The following CREB5 variants were observed in gnomAD, a reference collection of about 807,000 sequenced individuals.
CREB5 encodes cyclic AMP-responsive element-binding protein 5.
A neutral mutation model predicts 57.1 loss-of-function variants in CREB5; 19 were observed. The ratio of observed to expected loss-of-function variants is 0.33; its 90% CI spans 0.23 to 0.49. The LOEUF is 0.49. Among genes scored for constraint, CREB5 ranks in the 20% least tolerant of loss-of-function variants. The pLI is 0.99. For missense variants in CREB5, 579 were observed against 671.6 expected (o/e 0.86, Z 1.52); for synonymous variants, 238 against 238.3 (o/e 1.00, Z 0.01).
chr7:28,593,036 G>A lies in CREB5; in HGVS notation c.464+22499G>A, dbSNP rs906963346. Among the ~76,000 whole-genome samples, 3 of 152,128 alleles carry A rather than the reference G, an allele frequency of 2.0e-5. 1 individual carries two copies. The highest frequency in any genetic ancestry group is 2.4e-5 in the African/African-American group (1 of 41,416). ...CAACCACAGCATATCGCTCTAGCAGGTCAAACCACTCAAAGATAAATCCAG... is the reference window on the plus strand; with the variant it reads ...CAACCACAGCATATCGCTCTAGCAGATCAAACCACTCAAAGATAAATCCAG... On this transcript the variant is annotated intron_variant, in intron 5 of 10. Coordinates refer to ENST00000357727, the MANE Select transcript of CREB5 (RefSeq NM_182898.4).
intron 5 of CREB5, among the ~76,000 whole-genome samples, chr7:28,702,430 A>G (rs2128738056): frequency 6.6e-6 from 1 of 152,362 alleles, no homozygotes; most frequent in African/African-American, 2.4e-5. Context: ...CAGGCTTCAG[A>G]AAAGCAGAAA....
chr7:28,467,470 T>C (rs1428906708), intron 1 of CREB5, among the ~76,000 whole-genome samples: 1 of 152,182 alleles, frequency 6.6e-6, no homozygotes, highest in Non-Finnish European at 1.5e-5. Flanking sequence ...ATAAGTCCTG[T>C]CTACTGTTTG....
chr7:28,613,827 T>G (rs1797495507), intron 5 of CREB5, among the ~76,000 whole-genome samples: 1 of 152,212 alleles, frequency 6.6e-6, no homozygotes, highest in African/African-American at 2.4e-5. Flanking sequence ...GAGTTCAAAG[T>G]GCAAGAAAGT....
intron 1 of CREB5, among the ~76,000 whole-genome samples, chr7:28,301,475 G>A (rs1785097466): frequency 6.6e-6 from 1 of 152,202 alleles, no homozygotes; most frequent in African/African-American, 2.4e-5. Flanking sequence ...CTGAAAGTCT[G>A]CAATTCTAAC....
intron 7 of CREB5, among the ~76,000 whole-genome samples, chr7:28,776,350 AAGAAG>A (rs770657656): frequency 7.6e-5 from 11 of 145,640 alleles, no homozygotes; most frequent in Non-Finnish European, 1.2e-4. Context: ...AAAAAAAAAA[AAGAAG>A]AAGAAGAAAG....
intron 7 of CREB5, among the ~76,000 whole-genome samples, chr7:28,725,135 T>C (rs144519915): frequency 3.9e-5 from 6 of 152,328 alleles, no homozygotes; most frequent in Admixed American, 6.5e-5. Context: ...TAGCATCTGA[T>C]ATTGGATAAG....
intron 5 of CREB5, among the ~76,000 whole-genome samples, chr7:28,636,707 T>C (rs1798433632): frequency 6.6e-6 from 1 of 152,224 alleles, no homozygotes; most frequent in South Asian, 2.1e-4. Context: ...GTGTTCTATA[T>C]GCTATTTATC....
At chr7:28,794,718 T>C (rs966316939) in intron 7 of CREB5, among the ~76,000 whole-genome samples, 1 of 151,684 alleles carries the variant, frequency 6.6e-6, no homozygotes, top group Non-Finnish European at 1.5e-5. Flanking sequence ...CCAGCCTTCA[T>C]TCCCTACATG....
At chr7:28,769,430 A>G (rs1345970345) in intron 7 of CREB5, among the ~76,000 whole-genome samples, 1 of 152,256 alleles carries the variant, frequency 6.6e-6, no homozygotes, top group Non-Finnish European at 1.5e-5. Flanking sequence ...TTGTATACAT[A>G]TATTGACATG....
In CREB5 at chr7:28,742,846, G is replaced by A. The variant is rs565280803; in HGVS notation, c.702+18514G>A. Among the ~76,000 whole-genome samples, 47 of 152,098 alleles carry A rather than the reference G, an allele frequency of 3.1e-4. No individual in the cohort carries two copies. In the South Asian group the frequency reaches 9.8e-3, roughly 32 times the overall value. The stretch of plus-strand genomic sequence containing the variant: ...TGCCCAAGGTGGAGTGCAATGGTGC[G>A]ATCTTGGCTCATTGCAACCTCTACC... On this transcript the variant is annotated intron_variant, in intron 7 of 10. Coordinates refer to ENST00000357727, the MANE Select transcript of CREB5 (RefSeq NM_182898.4).
chr7:28,545,135 G>A (rs144899075), intron 4 of CREB5, among the ~76,000 whole-genome samples: 138 of 152,270 alleles, frequency 9.1e-4, no homozygotes, highest in Non-Finnish European at 7.4e-4. Flanking sequence ...CTTCAAATTA[G>A]TAAAGTTCCC....
intron 5 of CREB5, among the ~76,000 whole-genome samples, chr7:28,612,335 A>G (rs1270574823): frequency 6.6e-6 from 1 of 152,120 alleles, no homozygotes; most frequent in African/African-American, 2.4e-5. Context: ...GGCAACACCT[A>G]CAAGCCGTGG....
intron 4 of CREB5, among the ~76,000 whole-genome samples, chr7:28,518,868 A>T (rs1340205987): frequency 6.6e-6 from 1 of 152,120 alleles, no homozygotes; most frequent in African/African-American, 2.4e-5. Flanking sequence ...GCTCCATTCC[A>T]TCGCTCTCTA....
At chr7:28,816,795 G>C (rs1036815278) in intron 9 of CREB5, among the ~76,000 whole-genome samples, 9 of 152,146 alleles carry the variant, frequency 5.9e-5, no homozygotes, top group Non-Finnish European at 1.3e-4. Context: ...AATGTTAATC[G>C]TCCTTTTCGG....
At chr7:28,580,538 G>A (rs1010750049) in intron 5 of CREB5, among the ~76,000 whole-genome samples, 48 of 136,068 alleles carry the variant, frequency 3.5e-4, no homozygotes, top group East Asian at 1.7e-3. Context: ...TGAGTTTGTC[G>A]AAATCTCATT....
rs1033169236 is a variant in CREB5, at chr7:28,326,211, A to G, written c.-25+26770A>G. ...TATCTATCTATCTATCTATCTATCTACCTATCTATCTTGAAAAACATGAGT... is the reference window on the plus strand; with the variant it reads ...TATCTATCTATCTATCTATCTATCTGCCTATCTATCTTGAAAAACATGAGT... On this transcript the variant is annotated intron_variant, in intron 1 of 9. Transcript: ENST00000396299. Among the ~76,000 whole-genome samples, 3 of 115,526 alleles carry G rather than the reference A, an allele frequency of 2.6e-5. No individual in the cohort carries two copies. In the Admixed American group the frequency reaches 2.6e-4, roughly 10 times the overall value. The allele number at this position is 115,526 out of a possible 152,430, so 75.8% of individuals were successfully genotyped here.
chr7:28,560,929 CGTGTGTGCGTGCGTGTGTGTGCGTGT>C (rs1795189111), intron 4 of CREB5, among the ~76,000 whole-genome samples: 1 of 30,424 alleles, frequency 3.3e-5, no homozygotes, highest in Admixed American at 3.4e-4. Flanking sequence ...TGTGCGCGTG[CGTGTGTGCGTGCGTGTGTGTGCGTGT>C]GTGTGCGTGT....
intron 5 of CREB5, among the ~76,000 whole-genome samples, chr7:28,656,149 C>T (rs893775188): frequency 3.3e-5 from 5 of 152,172 alleles, no homozygotes; most frequent in East Asian, 1.9e-4. Flanking sequence ...GGTCACATAA[C>T]AACATCATAA....
chr7:28,443,314 C>A (rs1024725366), intron 1 of CREB5, among the ~76,000 whole-genome samples: 1 of 152,148 alleles, frequency 6.6e-6, no homozygotes, highest in Non-Finnish European at 1.5e-5. Flanking sequence ...GCTTAGAAAT[C>A]TCATTCTCTT....
Sources: gnomAD v4.1 joint callset for allele counts (sites outside exome capture counted in the v4.1 genomes callset) on GRCh38, gnomAD v4.1.1 for gene constraint, MANE v1.5 for transcripts, NCBI Gene and HGNC (gene_info 2026-07-23, HGNC 2026-07-21) for gene names.